TNFSF18: variants seen among roughly 807,000 people sequenced by gnomAD.
TNFSF18 encodes tumor necrosis factor ligand superfamily member 18.
TNFSF18 carries 6 observed loss-of-function variants against 9.6 expected under a neutral mutation model. The observed-to-expected ratio is 0.63, with a 90% CI of 0.34 to 1.24. TNFSF18 has a LOEUF of 1.24. Ranked by LOEUF, TNFSF18 falls within the 50% of genes most tolerant of loss-of-function variation. The pLI is 0.03. For missense variants in TNFSF18, 210 were observed against 201.0 expected, an observed-to-expected ratio of 1.04 and a Z score of -0.27; for synonymous variants, 68 against 71.7, an observed-to-expected ratio of 0.95 and a Z score of 0.26.
intron 1 of TNFSF18, among the ~76,000 whole-genome samples, chr1:173,047,280 A>T (rs113908302): frequency 0.013 from 2,029 of 152,290 alleles, 64 homozygotes; most frequent in East Asian, 0.071. Context: ...TAGGGACGTG[A>T]CAAAGACTCC....
chr1:173,048,483 G>A (rs1665118318), intron 1 of TNFSF18, among the ~76,000 whole-genome samples: 2 of 152,088 alleles, frequency 1.3e-5, no homozygotes, highest in South Asian at 4.1e-4. Context: ...TCATTTTGCT[G>A]AAGTTCAGAC....
At chr1:173,043,071 C>CCA (rs1354838045) in intron 2 of TNFSF18, among the ~76,000 whole-genome samples, 1 of 152,120 alleles carries the variant, frequency 6.6e-6, no homozygotes, top group East Asian at 1.9e-4. Flanking sequence ...CATTTAAAGA[C>CCA]CACCTTAGCA....
Position 173,041,479 on chromosome 1 carries a change from T to G in TNFSF18, c.422A>C (p.Glu141Ala). 6.2e-7 allele frequency: 1 copy of G among 1,613,584 alleles called. No homozygotes were observed. The highest frequency in any genetic ancestry group is 8.5e-7 in the Non-Finnish European group (1 of 1,179,620). Residue 141 changes from glutamate (E) to alanine (A), a missense_variant, in exon 3 of 3, where the codon GAA becomes GCA. Physicochemically the swap from Glu to Ala is moderately radical, Grantham distance 107 (BLOSUM62 -1). Coordinates refer to ENST00000404377, the MANE Select transcript of TNFSF18 (RefSeq NM_005092.4). Reference protein sequence around the residue: ...SKIQNVGGTYELHVGDTIDLI... With the variant: ...SKIQNVGGTYALHVGDTIDLI... The stretch of plus-strand genomic sequence containing the variant: ...GTCTATGGTGTCCCCAACATGCAAT[T>G]CATAAGTCCCTCCTACATTTTGGAT...
At position 173,050,504 on chromosome 1, in the gene TNFSF18, A is replaced by G. The variant is rs556554316; in HGVS notation, c.156+237T>C. 2.0e-5 allele frequency among the ~76,000 whole-genome samples: 3 copies of G among 152,190 alleles called. 1 individual carries two copies. Among genetic ancestry groups the G allele is most frequent in the African/African-American group, 4.8e-5 (2 of 41,526 alleles). Reference sequence around the variant, plus strand: ...TCAATTGGCTTAACCAGTTCTCTCTATCTAACAGAGTTCTGCAGCTAACAT... The same window carrying G: ...TCAATTGGCTTAACCAGTTCTCTCTGTCTAACAGAGTTCTGCAGCTAACAT... On this transcript the variant is annotated intron_variant, in intron 1 of 2. Transcript: ENST00000404377.
chr1:173,039,701 A>G lies in TNFSF18; in HGVS notation c.*1666T>C, dbSNP rs977110457. Among the ~76,000 whole-genome samples the G allele has an allele frequency of 1.3e-5, 2 of 151,756 alleles. No individual in the cohort carries two copies. Among genetic ancestry groups the G allele is most frequent in the African/African-American group, 2.4e-5 (1 of 41,288 alleles). ...AACACAACAAAGATCAAGAACACCA[A>G]GATTTTATAAGTATACATATATATA... On this transcript the variant is annotated 3_prime_UTR_variant, in exon 3 of 3. Transcript: ENST00000404377.
rs765084842 is a variant in TNFSF18, at chr1:173,050,870, C to T, written c.27G>A (p.Met9Ile). The T allele has an allele frequency of 4.1e-5, 66 of 1,613,684 alleles. No individual in the cohort carries two copies. The East Asian group carries it at 1.2e-3, about 30-fold the overall frequency. The change falls in exon 1 of 3, where the codon ATG becomes ATA. Residue 9 changes from methionine to isoleucine, a missense_variant. Transcript: ENST00000404377. Reference protein sequence around the residue: MCLSHLENMPLSHSRTQGA... With the variant: MCLSHLENIPLSHSRTQGA... ...CTTGAGTTCTTGAATGGCTTAAAGG[C>T]ATATTTTCCAAGTGGCTCAAACACA... is the stretch of plus-strand genomic sequence containing the variant.
chr1:173,041,817 T>TAATGA, intron 2 of TNFSF18, 104 bp from the exon 3 acceptor site: 1 of 979,040 alleles, frequency 1.0e-6, no homozygotes. Context: ...ATGTTGTTTC[T>TAATGA]TTACCTGATC....
intron 1 of TNFSF18, among the ~76,000 whole-genome samples, chr1:173,044,604 T>C (rs768638206): frequency 2.5e-4 from 38 of 152,350 alleles, no homozygotes; most frequent in Non-Finnish European, 5.0e-4. Flanking sequence ...TGCTAAATGC[T>C]CAAAAATACG....
Position 173,041,369 on chromosome 1 carries a change from A to C in TNFSF18, c.532T>G (p.Ter178GluextTer45). 9 of 1,599,822 alleles carry C rather than the reference A, an allele frequency of 5.6e-6. No individual in the cohort carries two copies. Among genetic ancestry groups the C allele is most frequent in the Non-Finnish European group, 6.8e-6 (8 of 1,171,892 alleles). Residue 178 changes from the stop codon to glutamate, a stop_lost, in exon 3 of 3, where the codon TAG becomes GAG. Coordinates refer to ENST00000404377, the MANE Select transcript of TNFSF18 (RefSeq NM_005092.4). ...AATGAGGAGATCAAATCAAGTCTCT[A>C]GGAGATGAATTGGGGATTTGCTAGT... ...ILLANPQFIS[*>E]
At chr1:173,041,819 T>TAATGAGTCGGCG in intron 2 of TNFSF18, 106 bp from the exon 3 acceptor site, 1 of 949,786 alleles carries the variant, frequency 1.1e-6, no homozygotes. Flanking sequence ...GTTGTTTCTT[T>TAATGAGTCGGCG]ACCTGATCTA....
At chr1:173,043,624 C>G (rs1665027077) in intron 2 of TNFSF18, among the ~76,000 whole-genome samples, 1 of 152,152 alleles carries the variant, frequency 6.6e-6, no homozygotes, top group Non-Finnish European at 1.5e-5. Flanking sequence ...AAATCTGAAA[C>G]TTGTTGTGTT....
intron 1 of TNFSF18, among the ~76,000 whole-genome samples, chr1:173,044,260 C>A (rs563512448): frequency 3.3e-5 from 5 of 151,780 alleles, no homozygotes; most frequent in African/African-American, 1.2e-4. Flanking sequence ...ATCGGACCCC[C>A]CCCCCAACCT....
chr1:173,050,917 T>C lies in TNFSF18; in HGVS notation c.-21A>G, dbSNP rs775846588. Reference sequence around the variant, plus strand: ...CACATTTTTGGAGAAATGAGAGCTGTGGAAAACAAAAATTCACAAGTGATG... The same window carrying C: ...CACATTTTTGGAGAAATGAGAGCTGCGGAAAACAAAAATTCACAAGTGATG... On this transcript the variant is annotated 5_prime_UTR_variant, in exon 1 of 3. Coordinates refer to ENST00000404377, the MANE Select transcript of TNFSF18 (RefSeq NM_005092.4). The C allele has an allele frequency of 7.4e-6, 12 of 1,613,706 alleles. No individual in the cohort carries two copies. The highest frequency in any genetic ancestry group is 1.0e-5 in the Non-Finnish European group (12 of 1,179,786).
chr1:173,045,435 T>A (rs1346822381), intron 1 of TNFSF18, among the ~76,000 whole-genome samples: 1 of 152,178 alleles, frequency 6.6e-6, no homozygotes, highest in Non-Finnish European at 1.5e-5. Flanking sequence ...GTACAGTGAA[T>A]TGACTGATAG....
rs763909938 is a variant in TNFSF18 at position 173,039,339 on chromosome 1, C to G, written c.*2028G>C. ...AAAGGTCACCTGTTGGTAGTCATCCCTCTAGCTGCAGCTGTAGTAACCTCT... is the reference window on the plus strand; with the variant it reads ...AAAGGTCACCTGTTGGTAGTCATCCGTCTAGCTGCAGCTGTAGTAACCTCT... On this transcript the variant is annotated 3_prime_UTR_variant, in exon 3 of 3. Transcript: ENST00000404377. 6.6e-6 allele frequency among the ~76,000 whole-genome samples: 1 copy of G among 152,150 alleles called. No homozygotes were observed. The highest frequency in any genetic ancestry group is 1.5e-5 in the Non-Finnish European group (1 of 68,024).
At chr1:173,044,255 A>C (rs959131828) in intron 1 of TNFSF18, among the ~76,000 whole-genome samples, 52 of 141,332 alleles carry the variant, frequency 3.7e-4, no homozygotes, top group African/African-American at 6.0e-4. Context: ...TTGATATCGG[A>C]CCCCCCCCCC....
intron 1 of TNFSF18, among the ~76,000 whole-genome samples, chr1:173,046,689 A>C (rs1173754388): frequency 6.6e-6 from 1 of 152,088 alleles, no homozygotes; most frequent in Non-Finnish European, 1.5e-5. Context: ...TATTTGGCTC[A>C]CCCTTATAAA....
chr1:173,045,829 T>C (rs1330566703), intron 1 of TNFSF18, among the ~76,000 whole-genome samples: 1 of 152,088 alleles, frequency 6.6e-6, no homozygotes, highest in East Asian at 1.9e-4. Context: ...ATGGCTTGGA[T>C]AGATGCATGG....
intron 2 of TNFSF18, 80 bp downstream of exon 2, chr1:173,043,859 G>A: frequency 8.0e-7 from 1 of 1,245,548 alleles, no homozygotes; most frequent in Admixed American, 1.7e-5. Context: ...GAAAATACAG[G>A]TTTTCTTGAG....
Sources: gnomAD v4.1 joint callset for allele counts (sites outside exome capture counted in the v4.1 genomes callset) on GRCh38, gnomAD v4.1.1 for gene constraint, MANE v1.5 for transcripts, NCBI Gene and HGNC (gene_info 2026-07-23, HGNC 2026-07-21) for gene names.